CNBD1: variants seen among roughly 807,000 people sequenced by gnomAD.
CNBD1 encodes cyclic nucleotide-binding domain-containing protein 1.
In CNBD1, 71 loss-of-function variants were observed where a neutral mutation model predicts 54.4. The observed-to-expected ratio is 1.30, with a 90% CI of 1.08 to 1.59. CNBD1 has a LOEUF of 1.59. Among genes scored for constraint, CNBD1 ranks in the 40% most tolerant of loss-of-function variants. The pLI is 0.00. For synonymous variants in CNBD1, 182 were observed against 170.7 expected, an observed-to-expected ratio of 1.07 and a Z score of -0.51; for missense variants, 659 against 518.0, an observed-to-expected ratio of 1.27 and a Z score of -2.64.
intron 2 of CNBD1, among the ~76,000 whole-genome samples, chr8:86,890,216 T>G: frequency 6.6e-6 from 1 of 152,090 alleles, no homozygotes; most frequent in Non-Finnish European, 1.5e-5. Context: ...TAATTGAATC[T>G]TTATACCCTT....
intron 4 of CNBD1, among the ~76,000 whole-genome samples, chr8:86,983,060 G>A (rs1808523577): frequency 6.6e-6 from 1 of 152,206 alleles, no homozygotes; most frequent in Non-Finnish European, 1.5e-5. Context: ...GTATGATGCT[G>A]AGTGATATGG....
intron 8 of CNBD1, among the ~76,000 whole-genome samples, chr8:87,334,012 CTT>C (rs979877707): frequency 2.6e-5 from 4 of 151,962 alleles, no homozygotes; most frequent in Non-Finnish European, 4.4e-5. Flanking sequence ...TTTTTTGTTT[CTT>C]TGTTTTTTGG....
chr8:87,093,737 A>G (rs1811263182), intron 4 of CNBD1, among the ~76,000 whole-genome samples: 1 of 152,078 alleles, frequency 6.6e-6, no homozygotes, highest in Non-Finnish European at 1.5e-5. Flanking sequence ...CTTATATCCT[A>G]GAGATCTCTC....
chr8:86,953,106 A>T (rs940452742), intron 4 of CNBD1, among the ~76,000 whole-genome samples: 4 of 152,186 alleles, frequency 2.6e-5, no homozygotes, highest in Non-Finnish European at 5.9e-5. Flanking sequence ...CACTGTATGA[A>T]TATACCATAG....
chr8:87,383,858 G>T (rs992205293), downstream of CNBD1, among the ~76,000 whole-genome samples: 1 of 152,070 alleles, frequency 6.6e-6, no homozygotes, highest in African/African-American at 2.4e-5. Flanking sequence ...GTTAAAAATA[G>T]AATTTTGAAC....
At chr8:86,955,225 T>C (rs1212666310) in intron 4 of CNBD1, among the ~76,000 whole-genome samples, 2 of 152,198 alleles carry the variant, frequency 1.3e-5, no homozygotes, top group Admixed American at 1.3e-4. Context: ...CTTAATCCAG[T>C]ATATCATTGA....
Position 87,422,749 on chromosome 8 carries a change from C to T in CNBD1, c.214-5797C>T, listed in dbSNP as rs571424497. 6.7e-3 allele frequency among the ~76,000 whole-genome samples: 1,025 copies of T among 152,174 alleles called. 9 individuals carry two copies. Among genetic ancestry groups the T allele is most frequent in the African/African-American group, 0.022 (905 of 41,510 alleles). ...TTCTTTTGGCTTAGGATTGACTTGA[C>T]GATGCGGGCTCTTTTTTGGTTCCAT... On this transcript the variant is annotated intron_variant, in intron 2 of 7. Transcript: ENST00000521593.
At chr8:87,415,840 A>G (rs751761973) in intron 2 of CNBD1, among the ~76,000 whole-genome samples, 6 of 152,038 alleles carry the variant, frequency 3.9e-5, no homozygotes, top group Non-Finnish European at 7.4e-5. Context: ...ACAAATAGGG[A>G]AAATAGAAGT....
chr8:87,258,286 A>C (rs1297014139), intron 6 of CNBD1, among the ~76,000 whole-genome samples: 1 of 151,658 alleles, frequency 6.6e-6, no homozygotes, highest in Non-Finnish European at 1.5e-5. Context: ...TGACTCAAAA[A>C]TTTTTTAAAA....
At chr8:86,882,169 T>C (rs1197105073) in intron 1 of CNBD1, among the ~76,000 whole-genome samples, 2 of 152,046 alleles carry the variant, frequency 1.3e-5, no homozygotes, top group Non-Finnish European at 2.9e-5. Flanking sequence ...AAAGCAAAAT[T>C]GACAAATGAG....
At chr8:87,394,625 A>G (rs1487855298) in intron 2 of CNBD1, among the ~76,000 whole-genome samples, 2 of 151,850 alleles carry the variant, frequency 1.3e-5, no homozygotes, top group African/African-American at 4.8e-5. Flanking sequence ...TTCTTCATAG[A>G]TGCGTGTTTT....
intron 4 of CNBD1, among the ~76,000 whole-genome samples, chr8:87,101,713 A>G (rs1452002161): frequency 6.6e-6 from 1 of 152,126 alleles, no homozygotes; most frequent in East Asian, 1.9e-4. Context: ...GGAATTTTAT[A>G]GAGATAGAAT....
intron 8 of CNBD1, among the ~76,000 whole-genome samples, chr8:87,350,209 G>A (rs145901029): frequency 3.9e-5 from 6 of 152,034 alleles, no homozygotes; most frequent in South Asian, 2.1e-4. Context: ...CTACGCATAC[G>A]TTATACTTTT....
At chr8:86,975,888 C>G (rs1397456077) in intron 4 of CNBD1, among the ~76,000 whole-genome samples, 1 of 152,006 alleles carries the variant, frequency 6.6e-6, no homozygotes, top group Admixed American at 6.6e-5. Flanking sequence ...CTTACCAACA[C>G]TTGGTTATCT....
Position 86,905,602 on chromosome 8 carries a change from A to G in CNBD1, c.272+408A>G, listed in dbSNP as rs149317635. Among the ~76,000 whole-genome samples, 404 of 152,208 alleles carry G rather than the reference A, an allele frequency of 2.7e-3. 3 individuals are homozygous for G. The highest frequency in any genetic ancestry group is 9.2e-3 in the African/African-American group (383 of 41,552). On this transcript the variant is annotated intron_variant, in intron 3 of 10. Transcript: ENST00000518476. ...AATCACAAAGTCATGGGGCACTGAAAGGCATTTGTGAAGCCTTTTTTACTG... is the reference window on the plus strand; with the variant it reads ...AATCACAAAGTCATGGGGCACTGAAGGGCATTTGTGAAGCCTTTTTTACTG...
At position 87,286,649 on chromosome 8, in the gene CNBD1, G is replaced by GA. The variant is rs747458334; in HGVS notation, c.1026dup (p.Phe343IlefsTer21). On this transcript the variant is annotated frameshift_variant, in exon 8 of 11. Coordinates refer to ENST00000518476, the MANE Select transcript of CNBD1 (RefSeq NM_173538.3). LOFTEE classifies it high-confidence loss of function. ...ATGAGCTAATTGCACTCCTTAAATG[G>GA]AAAAAATTTCCTCCAGGTCATGGTA... 4.5e-6 allele frequency: 7 copies of GA among 1,542,054 alleles called. No homozygotes were observed. Among genetic ancestry groups the GA allele is most frequent in the Non-Finnish European group, 5.3e-6 (6 of 1,140,072 alleles).
chr8:87,311,199 A>G (rs1303789272), intron 8 of CNBD1, among the ~76,000 whole-genome samples: 2 of 152,172 alleles, frequency 1.3e-5, no homozygotes, highest in Non-Finnish European at 2.9e-5. Context: ...CAAACAATAT[A>G]TCCAACAAAG....
chr8:87,366,280 G>T (rs1810640962), intron 10 of CNBD1, among the ~76,000 whole-genome samples: 1 of 152,052 alleles, frequency 6.6e-6, no homozygotes, highest in Non-Finnish European at 1.5e-5. Flanking sequence ...CTGTGGAGAA[G>T]AGGTCACCTC....
chr8:87,352,941 G>A (rs1586039260), intron 9 of CNBD1, among the ~76,000 whole-genome samples: 1 of 152,072 alleles, frequency 6.6e-6, no homozygotes, highest in African/African-American at 2.4e-5. Context: ...CCAAGTTCTT[G>A]CCACTTTCCT....
Sources: allele counts gnomAD v4.1 joint callset (sites outside exome capture counted in the v4.1 genomes callset), GRCh38; gene constraint gnomAD v4.1.1; transcripts MANE v1.5; gene names NCBI Gene and HGNC (gene_info 2026-07-23, HGNC 2026-07-21).